The following UBE4A variants were observed in gnomAD, a reference collection of about 807,000 sequenced individuals.
UBE4A encodes ubiquitination factor E4A.
A neutral mutation model predicts 117.9 loss-of-function variants in UBE4A; 48 were observed. That is an observed-to-expected ratio of 0.41 (90% confidence interval 0.32 to 0.52). UBE4A has a LOEUF of 0.52. UBE4A is among the 20% of genes least tolerant of loss of function. The probability of loss-of-function intolerance (pLI) is 0.33; values close to 1 mark genes in which losing one functional copy is unlikely to be tolerated. For missense variants in UBE4A, 1,067 were observed against 1,296.3 expected (o/e 0.82, Z 2.72); for synonymous variants, 407 against 450.0 (o/e 0.90, Z 1.21).
chr11:118,377,317 TC>T (rs782695613), intron 10 of UBE4A, among the ~76,000 whole-genome samples: 33 of 152,138 alleles, frequency 2.2e-4, no homozygotes, highest in Non-Finnish European at 4.1e-4. Context: ...AAGCAATTCT[TC>T]TGCCTCATCC....
At chr11:118,394,906 G>A (rs1948855444) in intron 19 of UBE4A, among the ~76,000 whole-genome samples, 1 of 152,202 alleles carries the variant, frequency 6.6e-6, no homozygotes, top group South Asian at 2.1e-4. Flanking sequence ...ATTCAAGGCT[G>A]CACTGAGTTA....
At chr11:118,374,565 A>T (rs547346125) in intron 8 of UBE4A, among the ~76,000 whole-genome samples, 9 of 152,370 alleles carry the variant, frequency 5.9e-5, no homozygotes, top group South Asian at 2.1e-4. Flanking sequence ...TCTGGTTTGA[A>T]TTCATACTAC....
chr11:118,375,946 C>G (rs1948649111), intron 9 of UBE4A, among the ~76,000 whole-genome samples: 1 of 152,100 alleles, frequency 6.6e-6, no homozygotes, highest in Admixed American at 6.5e-5. Context: ...ATAGCTGAGT[C>G]TTGAGAGACA....
At chr11:118,388,828 G>A (rs1207086595) in intron 16 of UBE4A, among the ~76,000 whole-genome samples, 5 of 152,196 alleles carry the variant, frequency 3.3e-5, no homozygotes, top group Middle Eastern at 3.4e-3. Flanking sequence ...AACAGACTGG[G>A]TACAGTGGCT....
chr11:118,395,969 G>A (rs568650842), intron 19 of UBE4A, among the ~76,000 whole-genome samples: 1 of 152,168 alleles, frequency 6.6e-6, no homozygotes, highest in Admixed American at 6.5e-5. Flanking sequence ...CAGCTACTTG[G>A]GAGGCTGAGG....
chr11:118,377,283 C>T (rs1948661312), intron 10 of UBE4A, among the ~76,000 whole-genome samples: 1 of 152,212 alleles, frequency 6.6e-6, no homozygotes, highest in Non-Finnish European at 1.5e-5. Context: ...TCTCTGCTCA[C>T]TGCAACCTCC....
intron 2 of UBE4A, among the ~76,000 whole-genome samples, chr11:118,366,313 A>C (rs1416701150): frequency 6.6e-6 from 1 of 152,230 alleles, no homozygotes; most frequent in Non-Finnish European, 1.5e-5. Flanking sequence ...AATAGGAAAA[A>C]TAAGGAATGA....
rs1948882530 is a variant in UBE4A at position 118,397,171 on chromosome 11, G to C, written c.*731G>C. 1 of 152,088 alleles carries C rather than the reference G, an allele frequency of 6.6e-6. No individual in the cohort carries two copies. The highest frequency in any genetic ancestry group is 2.4e-5 in the African/African-American group (1 of 41,404). 9.4% of individuals were successfully genotyped at this position (152,088 alleles called of 1,614,324 possible). A position where few individuals can be genotyped will look rare whatever the true frequency, so the allele number is the denominator to read the frequency against. ...GGCCCTTATTCTCTTATGAAAATCT[G>C]TTTCTACAAGGACTAGGCCTAAGTA... is the stretch of plus-strand genomic sequence containing the variant. On this transcript the variant is annotated 3_prime_UTR_variant, in exon 20 of 20. Transcript: ENST00000252108.
intron 12 of UBE4A, 22 bp from the exon 13 acceptor site, chr11:118,382,567 T>C (rs1179791777): frequency 1.3e-6 from 2 of 1,512,330 alleles, no homozygotes; most frequent in Admixed American, 1.9e-5. Flanking sequence ...TCTGCTCATC[T>C]TGCTTTTTGC....
rs1318862531 is a variant in UBE4A, at chr11:118,398,019, G to A, written c.*1579G>A. 1 of 152,612 alleles carries A rather than the reference G, an allele frequency of 6.6e-6. No individual in the cohort carries two copies. The highest frequency in any genetic ancestry group is 6.5e-5 in the Admixed American group (1 of 15,276). The allele number at this position is 152,612 out of a possible 1,614,324, so 9.5% of individuals were successfully genotyped here. On this transcript the variant is annotated 3_prime_UTR_variant, in exon 20 of 20. Transcript: ENST00000252108. ...TCCCTGGGCCTTTATGGCATGGGTT[G>A]ACAGGATTTGTTTATTTTCTAAAAT...
rs1160746654 is a variant in UBE4A at position 118,389,785 on chromosome 11, A to G, written c.2648A>G (p.Tyr883Cys). ...GAGCGCATCATCTCCATGTTGAACT[A>G]CTTCCTGCAACACCTGGTTGGCCCC... Reference protein sequence around the residue: ...LAERIISMLNYFLQHLVGPKM... With the variant: ...LAERIISMLNCFLQHLVGPKM... The change falls in exon 17 of 20, where the codon TAC becomes TGC. Residue 883 changes from tyrosine to cysteine, a missense_variant. Tyr to Cys is a radical substitution (Grantham distance 194, BLOSUM62 -2). Transcript: ENST00000252108. The G allele has an allele frequency of 3.7e-6, 6 of 1,613,964 alleles. No individual in the cohort carries two copies. In the East Asian group the frequency reaches 1.3e-4, roughly 36 times the overall value.
intron 16 of UBE4A, among the ~76,000 whole-genome samples, chr11:118,389,395 TATG>T (rs1338850460): frequency 1.3e-5 from 2 of 152,214 alleles, no homozygotes; most frequent in Non-Finnish European, 1.5e-5. Context: ...ATATGTAAAA[TATG>T]ATCATTTTTG....
At chr11:118,393,806 G>A (rs1237046847) in intron 19 of UBE4A, among the ~76,000 whole-genome samples, 2 of 152,092 alleles carry the variant, frequency 1.3e-5, no homozygotes, top group African/African-American at 2.4e-5. Flanking sequence ...ATATTGGCCA[G>A]GCTGGTCTTA....
chr11:118,384,310 C>G (rs1214135270), intron 13 of UBE4A, among the ~76,000 whole-genome samples: 1 of 152,190 alleles, frequency 6.6e-6, no homozygotes, highest in Admixed American at 6.5e-5. Context: ...TAATGGCCAG[C>G]CCTGAGCCCT....
chr11:118,376,599 C>T lies in UBE4A; in HGVS notation c.1476C>T (p.Ile492=). ...GTTTGGACAAAGAAACCTGTTTGAT[C>T]CCAGCTGTGCAGGAGCCGAAGTTTC... ...MRGLDKETCL[I]PAVQEPKFPQ... Residue 492 remains isoleucine (I), a synonymous_variant, in exon 10 of 20, where the codon ATC becomes ATT. Coordinates refer to ENST00000252108, the MANE Select transcript of UBE4A (RefSeq NM_001204077.2). 1 of 1,613,456 alleles carries T rather than the reference C, an allele frequency of 6.2e-7. No individual in the cohort carries two copies. The highest frequency in any genetic ancestry group is 8.5e-7 in the Non-Finnish European group (1 of 1,179,870).
At chr11:118,394,780 A>T (rs1948853737) in intron 19 of UBE4A, among the ~76,000 whole-genome samples, 1 of 151,944 alleles carries the variant, frequency 6.6e-6, no homozygotes, top group East Asian at 1.9e-4. Context: ...CTCAAAAAAA[A>T]AAAAAAAATT....
At chr11:118,383,379 A>C (rs1555126659) in intron 13 of UBE4A, among the ~76,000 whole-genome samples, 1 of 152,048 alleles carries the variant, frequency 6.6e-6, no homozygotes, top group Non-Finnish European at 1.5e-5. Context: ...AGATCACTTG[A>C]GCTCCTGAGT....
Position 118,379,559 on chromosome 11 carries a change from A to T in UBE4A, c.1685A>T (p.Glu562Val), listed in dbSNP as rs782329810. 2 of 1,614,124 alleles carry T rather than the reference A, an allele frequency of 1.2e-6. No individual in the cohort carries two copies. Among genetic ancestry groups the T allele is most frequent in the Non-Finnish European group, 1.7e-6 (2 of 1,180,048 alleles). ...GCTGACAATCTTCGTGAGCAGTTTG[A>T]ACGACTGATGACCATCTATCTTTCT... ...PAADNLREQF[E>V]RLMTIYLSTK... The change falls in exon 11 of 20, where the codon GAA becomes GTA. Residue 562 changes from glutamate to valine, a missense_variant. Glu to Val is a moderately radical substitution (Grantham distance 121). Transcript: ENST00000252108.
intron 16 of UBE4A, among the ~76,000 whole-genome samples, chr11:118,388,430 C>T (rs537670807): frequency 6.6e-6 from 1 of 152,078 alleles, no homozygotes; most frequent in Non-Finnish European, 1.5e-5. Flanking sequence ...GCAAGCAGAT[C>T]ACAAGGTCAG....
Sources: allele counts gnomAD v4.1 joint callset (sites outside exome capture counted in the v4.1 genomes callset), GRCh38; gene constraint gnomAD v4.1.1; transcripts MANE v1.5; gene names NCBI Gene and HGNC (gene_info 2026-07-23, HGNC 2026-07-21).